Variants in PHLDB2 observed in about 807,000 individuals in gnomAD.
PHLDB2 encodes pleckstrin homology-like domain family B member 2.
A neutral mutation model predicts 123.6 loss-of-function variants in PHLDB2; 71 were observed. That is an observed-to-expected ratio of 0.57 (90% CI 0.47 to 0.70). PHLDB2 has a LOEUF of 0.70. PHLDB2 is among the 30% of genes least tolerant of loss of function. PHLDB2 has a pLI of 0.00. For synonymous variants in PHLDB2, 547 were observed against 541.6 expected, an observed-to-expected ratio of 1.01 and a Z score of -0.14; for missense variants, 1,446 against 1,519.5, an observed-to-expected ratio of 0.95 and a Z score of 0.80.
chr3:111,862,397 A>G (rs528009838), intron 1 of PHLDB2, among the ~76,000 whole-genome samples: 2 of 152,340 alleles, frequency 1.3e-5, no homozygotes, highest in Admixed American at 1.3e-4. Context: ...GTCCTGACAT[A>G]CATTAGAGCT....
chr3:111,927,504 A>G (rs1336550506), intron 5 of PHLDB2, among the ~76,000 whole-genome samples: 1 of 152,206 alleles, frequency 6.6e-6, no homozygotes. Context: ...GTTCTGTGCT[A>G]AACAGTTTGG....
At chr3:111,940,064 C>CT (rs1295846526) in intron 7 of PHLDB2, among the ~76,000 whole-genome samples, 1 of 152,158 alleles carries the variant, frequency 6.6e-6, no homozygotes, top group Non-Finnish European at 1.5e-5. Flanking sequence ...CACCCAACCC[C>CT]TAGCACTTAG....
intron 15 of PHLDB2, among the ~76,000 whole-genome samples, chr3:111,968,594 A>C (rs1435649145): frequency 6.6e-6 from 1 of 152,210 alleles, no homozygotes; most frequent in Admixed American, 6.5e-5. Flanking sequence ...CAAAGGCAAA[A>C]GATACCATTA....
chr3:111,787,609 C>T (rs1040339662), intron 1 of PHLDB2, among the ~76,000 whole-genome samples: 14 of 152,104 alleles, frequency 9.2e-5, no homozygotes, highest in African/African-American at 3.4e-4. Context: ...TGGTTGGTAG[C>T]TTGGGCTACT....
intron 2 of PHLDB2, among the ~76,000 whole-genome samples, chr3:111,900,205 G>A (rs371932368): frequency 6.6e-6 from 1 of 152,202 alleles, no homozygotes; most frequent in Non-Finnish European, 1.5e-5. Flanking sequence ...TACATCAGCA[G>A]TAAGGCTGTT....
At chr3:111,814,934 G>C (rs1212610867) in intron 1 of PHLDB2, among the ~76,000 whole-genome samples, 1 of 152,214 alleles carries the variant, frequency 6.6e-6, no homozygotes, top group Non-Finnish European at 1.5e-5. Context: ...TTCCCACGTA[G>C]TGTGGGAGGA....
intron 1 of PHLDB2, among the ~76,000 whole-genome samples, chr3:111,876,132 A>G (rs1443267097): frequency 1.3e-5 from 2 of 152,160 alleles, no homozygotes; most frequent in Admixed American, 1.3e-4. Context: ...TGTACTAGAG[A>G]GGCTACCATG....
chr3:111,779,789 TAAG>T (rs1284377770), intron 1 of PHLDB2: 2 of 886,854 alleles, frequency 2.3e-6, no homozygotes, highest in East Asian at 2.4e-4. Context: ...TCTATACTCT[TAAG>T]AGGACTCTGA....
chr3:111,845,863 A>T, exon 2 of PHLDB2: 1 of 1,614,218 alleles, frequency 6.2e-7, no homozygotes, highest in East Asian at 2.2e-5. Flanking sequence ...TCAGCAGAAG[A>T]TCCTGATGGA....
chr3:111,969,077 C>T (rs1160614413), intron 15 of PHLDB2, among the ~76,000 whole-genome samples: 1 of 152,190 alleles, frequency 6.6e-6, no homozygotes, highest in African/African-American at 2.4e-5. Flanking sequence ...CCTTTGGCAT[C>T]TGGTCCTGGA....
At chr3:111,883,874 C>G in intron 1 of PHLDB2, 190 bp from the exon 2 acceptor site, 1 of 558,860 alleles carries the variant, frequency 1.8e-6, no homozygotes, top group Non-Finnish European at 3.1e-6. Context: ...TAAGTTATCT[C>G]AGGTCAATGA....
intron 10 of PHLDB2, among the ~76,000 whole-genome samples, chr3:111,950,399 C>T (rs187931865): frequency 3.9e-5 from 6 of 152,220 alleles, no homozygotes; most frequent in Admixed American, 3.9e-4. Flanking sequence ...TTCTAATGAT[C>T]CCATGAAGTA....
upstream of PHLDB2, among the ~76,000 whole-genome samples, chr3:111,856,345 G>C (rs2064506780): frequency 6.6e-6 from 1 of 152,138 alleles, no homozygotes; most frequent in Admixed American, 6.6e-5. Context: ...ATGAACTCAA[G>C]AACAAGTGCT....
chr3:111,774,759 A>G (rs946224757), intron 1 of PHLDB2, among the ~76,000 whole-genome samples: 12 of 152,318 alleles, frequency 7.9e-5, no homozygotes, highest in Admixed American at 7.2e-4. Context: ...TAATTTAAAC[A>G]GAGGGTTGCC....
chr3:111,834,204 T>TATATATTAC (rs2063255401), intron 1 of PHLDB2, among the ~76,000 whole-genome samples: 1 of 47,996 alleles, frequency 2.1e-5, no homozygotes, highest in Admixed American at 2.8e-4. Flanking sequence ...AATAGAATTA[T>TATATATTAC]ATATGTAATA....
At chr3:111,903,593 G>A (rs1277263858) in intron 2 of PHLDB2, among the ~76,000 whole-genome samples, 1 of 152,166 alleles carries the variant, frequency 6.6e-6, no homozygotes, top group Non-Finnish European at 1.5e-5. Context: ...AAATAATTGG[G>A]TCTAGTTTTT....
In PHLDB2 at chr3:111,939,466, T is replaced by G. The variant is rs764243216; in HGVS notation, c.2131-9T>G. 3 of 1,596,262 alleles carry G rather than the reference T, an allele frequency of 1.9e-6. No homozygotes were observed. Among genetic ancestry groups the G allele is most frequent in the Non-Finnish European group, 2.6e-6 (3 of 1,175,216 alleles). On this transcript the variant is annotated splice_polypyrimidine_tract_variant and intron_variant, in intron 6 of 17. Transcript: ENST00000431670. The stretch of plus-strand genomic sequence containing the variant: ...AGTGTGTCTTGTTTTCATTCACTTT[T>G]CTCCAAAGGATGCTGACCTGTTGGA...
In PHLDB2 at chr3:111,967,729, C is replaced by T. The variant is rs770794092; in HGVS notation, c.3220C>T (p.Arg1074Trp). ...KRALEEEKRRREILEKRLQEE... is the reference protein window; with the variant it reads ...KRALEEEKRRWEILEKRLQEE... ...AGCCCTGGAAGAAGAAAAACGACGC[C>T]GGGAAATCCTGGAAAAACGATTACA... Residue 1074 changes from arginine (R) to tryptophan (W), a missense_variant, in exon 15 of 18, where the codon CGG (arginine) becomes TGG (tryptophan). By Grantham distance (101) the Arg-to-Trp change is moderately radical. Coordinates refer to ENST00000431670, the MANE Select transcript of PHLDB2 (RefSeq NM_001134438.2). 1.1e-5 allele frequency: 18 copies of T among 1,612,278 alleles called. No individual in the cohort carries two copies. Among genetic ancestry groups the T allele is most frequent in the Middle Eastern group, 3.3e-4 (2 of 6,054 alleles).
intron 1 of PHLDB2, among the ~76,000 whole-genome samples, chr3:111,874,463 A>G (rs1441176018): frequency 6.6e-6 from 1 of 152,178 alleles, no homozygotes; most frequent in African/African-American, 2.4e-5. Flanking sequence ...GTAACAAAGA[A>G]ACCCCAAATC....
Sources: gnomAD v4.1 joint callset for allele counts (sites outside exome capture counted in the v4.1 genomes callset) on GRCh38, gnomAD v4.1.1 for gene constraint, MANE v1.5 for transcripts, NCBI Gene and HGNC (gene_info 2026-07-23, HGNC 2026-07-21) for gene names.